The following PRIMPOL variants were observed in gnomAD, a reference collection of about 807,000 sequenced individuals.
PRIMPOL encodes primase and DNA directed polymerase, also known as DNA-directed primase/polymerase protein.
Under a neutral mutation model 63.6 loss-of-function variants are expected in PRIMPOL, and 54 were observed. The observed-to-expected ratio is 0.85, with a 90% CI of 0.68 to 1.07. The LOEUF is 1.07. Ranked by LOEUF, PRIMPOL falls within the 50% of genes least tolerant of loss-of-function variation. The pLI, the probability that PRIMPOL is intolerant of heterozygous loss-of-function variation, is 0.00. For missense variants in PRIMPOL, 610 were observed against 648.3 expected (o/e 0.94, Z 0.64); for synonymous variants, 197 against 220.2 (o/e 0.89, Z 0.93).
chr4:184,657,766 G>C (rs1746875197), intron 3 of PRIMPOL: 1 of 154,172 alleles, frequency 6.5e-6, no homozygotes, highest in African/African-American at 2.4e-5. Flanking sequence ...GGCCGAGACG[G>C]GTGGATCACC....
intron 5 of PRIMPOL, among the ~76,000 whole-genome samples, chr4:184,664,991 A>T (rs1349671122): frequency 3.3e-5 from 5 of 152,204 alleles, no homozygotes; most frequent in Non-Finnish European, 5.9e-5. Context: ...GAATCCCAAA[A>T]TATCATTAAA....
In PRIMPOL at chr4:184,694,484, C is replaced by G. The variant is rs111245648; in HGVS notation, c.1426-38C>G. 7.6e-6 allele frequency: 12 copies of G among 1,589,038 alleles called. No individual in the cohort carries two copies. The African/African-American group carries it at 9.5e-5, about 13-fold the overall frequency. On this transcript the variant is annotated intron_variant, in intron 13 of 13. Coordinates refer to ENST00000314970, the MANE Select transcript of PRIMPOL (RefSeq NM_152683.4). ...ATCACATATCCTGAGTAAATATTTT[C>G]CTATCCCACTCTCTATCCCTTCACC...
At chr4:184,661,667 C>A in intron 4 of PRIMPOL, 107 bp from the exon 5 acceptor site, 1 of 668,060 alleles carries the variant, frequency 1.5e-6, no homozygotes, top group Non-Finnish European at 2.4e-6. Flanking sequence ...GATCACACCA[C>A]TGCAGTCCAG....
intron 6 of PRIMPOL, among the ~76,000 whole-genome samples, chr4:184,671,902 T>G (rs11733991): frequency 0.13 from 18,961 of 150,566 alleles, 1,268 homozygotes; most frequent in Middle Eastern, 0.17. Context: ...CACCACGCCC[T>G]GCTAATTTTT....
At chr4:184,681,692 A>C (rs2150136803) in intron 8 of PRIMPOL, among the ~76,000 whole-genome samples, 1 of 152,144 alleles carries the variant, frequency 6.6e-6, no homozygotes, top group Non-Finnish European at 1.5e-5. Flanking sequence ...CTTCTGCCTC[A>C]GCCTCCCATG....
At chr4:184,683,619 A>G (rs1756237648) in intron 9 of PRIMPOL, among the ~76,000 whole-genome samples, 1 of 152,116 alleles carries the variant, frequency 6.6e-6, no homozygotes, top group Non-Finnish European at 1.5e-5. Flanking sequence ...TATATTTCCT[A>G]TATATAGAGA....
chr4:184,668,665 A>G (rs1356880269), intron 6 of PRIMPOL, among the ~76,000 whole-genome samples: 1 of 152,036 alleles, frequency 6.6e-6, no homozygotes, highest in African/African-American at 2.4e-5. Context: ...TCATATCTCA[A>G]ACCCTAAGCC....
chr4:184,690,657 A>G (rs1758281129), intron 11 of PRIMPOL, among the ~76,000 whole-genome samples: 1 of 152,058 alleles, frequency 6.6e-6, no homozygotes, highest in South Asian at 2.1e-4. Flanking sequence ...ACGGGGTTTC[A>G]CTATGTTGGC....
intron 7 of PRIMPOL, among the ~76,000 whole-genome samples, chr4:184,673,005 G>A (rs1752229482): frequency 6.6e-6 from 1 of 152,090 alleles, no homozygotes; most frequent in Admixed American, 6.5e-5. Context: ...CAGGACTTGA[G>A]CATGATTCAA....
chr4:184,678,523 C>CTT, intron 8 of PRIMPOL, 129 bp downstream of exon 8: 4 of 539,038 alleles, frequency 7.4e-6, no homozygotes, highest in Non-Finnish European at 1.2e-5. Context: ...GTTCTTACAG[C>CTT]TCTTTTTTTT....
chr4:184,665,904 C>A lies in PRIMPOL; in HGVS notation c.409-13C>A. ...AAAAATATAAATTATTTGCATTTTA[C>A]TTGTGTTTTTAGTATGTGTGTAAAG... On this transcript the variant is annotated splice_polypyrimidine_tract_variant and intron_variant, in intron 5 of 13. Transcript: ENST00000314970. The A allele has an allele frequency of 6.7e-7, 1 of 1,502,376 alleles. No individual in the cohort carries two copies. The highest frequency in any genetic ancestry group is 8.9e-7 in the Non-Finnish European group (1 of 1,117,958). 93.1% of individuals were successfully genotyped at this position (1,502,376 alleles called of 1,614,324 possible). A position where few individuals can be genotyped will look rare whatever the true frequency, so the allele number is the denominator to read the frequency against.
intron 11 of PRIMPOL, among the ~76,000 whole-genome samples, chr4:184,687,059 G>A (rs1215591995): frequency 6.6e-6 from 1 of 151,982 alleles, no homozygotes; most frequent in African/African-American, 2.4e-5. Flanking sequence ...ACATACAAAA[G>A]TATAGATAAC....
intron 13 of PRIMPOL, among the ~76,000 whole-genome samples, chr4:184,693,471 A>ATG (rs1242385567): frequency 2.0e-5 from 3 of 152,170 alleles, no homozygotes; most frequent in Non-Finnish European, 2.9e-5. Flanking sequence ...AAGATATATA[A>ATG]TGAACACCCA....
chr4:184,693,126 T>C (rs74527162), intron 13 of PRIMPOL, among the ~76,000 whole-genome samples: 2,079 of 152,258 alleles, frequency 0.014, 44 homozygotes, highest in African/African-American at 0.046. Flanking sequence ...TTAACACGTC[T>C]CTCGAAAAAA....
chr4:184,672,146 G>T (rs765062426), intron 6 of PRIMPOL, 27 bp from the exon 7 acceptor site: 2 of 1,585,524 alleles, frequency 1.3e-6, no homozygotes, highest in Non-Finnish European at 1.7e-6. Context: ...GAAGATCCAG[G>T]TGAATGATAA....
chr4:184,672,283 C>T lies in PRIMPOL; in HGVS notation c.667C>T (p.Pro223Ser), dbSNP rs746395188. The T allele has an allele frequency of 3.7e-6, 6 of 1,614,052 alleles. No homozygotes were observed. The highest frequency in any genetic ancestry group is 4.2e-6 in the Non-Finnish European group (5 of 1,180,026). The change falls in exon 7 of 14, where the codon CCT becomes TCT. Residue 223 changes from proline (P) to serine (S), a missense_variant. By Grantham distance (74) the Pro-to-Ser change is moderately conservative (BLOSUM62 -1). Transcript: ENST00000314970. ...GHGFPHFSEA[P>S]ARQGFSFNKM... is the part of the protein sequence containing the mutation. ...TGGATTTCCCCATTTTTCAGAAGCA[C>T]CTGCAAGACAAGGATTTTCTTTCAA...
intron 1 of PRIMPOL, among the ~76,000 whole-genome samples, chr4:184,651,566 C>T (rs1397197600): frequency 6.6e-6 from 1 of 152,202 alleles, no homozygotes; most frequent in Non-Finnish European, 1.5e-5. Flanking sequence ...CAAACCCCTT[C>T]CTGTGCTAAA....
intron 7 of PRIMPOL, among the ~76,000 whole-genome samples, chr4:184,672,906 T>C (rs1347512793): frequency 6.6e-6 from 1 of 152,158 alleles, no homozygotes; most frequent in Non-Finnish European, 1.5e-5. Flanking sequence ...TCAGCTTTCT[T>C]GCTGTGTTCA....
chr4:184,672,615 TG>T (rs1404545982), intron 7 of PRIMPOL, among the ~76,000 whole-genome samples, 155 bp downstream of exon 7: 5 of 152,132 alleles, frequency 3.3e-5, no homozygotes, highest in Non-Finnish European at 5.9e-5. Flanking sequence ...GCTGGGAATC[TG>T]TGAGGTTTTT....
Sources: allele counts gnomAD v4.1 joint callset (sites outside exome capture counted in the v4.1 genomes callset), GRCh38; gene constraint gnomAD v4.1.1; transcripts MANE v1.5; gene names NCBI Gene and HGNC (gene_info 2026-07-23, HGNC 2026-07-21).